TRIO: variants seen among roughly 807,000 people sequenced by gnomAD.
TRIO encodes the protein trio Rho guanine nucleotide exchange factor.
Under a neutral mutation model 351.9 loss-of-function variants are expected in TRIO, and 58 were observed. The ratio of observed to expected loss-of-function variants is 0.16; its 90% confidence interval spans 0.13 to 0.21. The LOEUF is 0.21. TRIO is among the 10% of genes least tolerant of loss of function. TRIO has a pLI of 1.00. For missense variants in TRIO, 3,201 were observed against 4,027.8 expected, an observed-to-expected ratio of 0.79 and a Z score of 5.56; for synonymous variants, 1,758 against 1,595.7, an observed-to-expected ratio of 1.10 and a Z score of -2.42.
chr5:14,314,504 A>G (rs1267759585), intron 8 of TRIO, among the ~76,000 whole-genome samples: 1 of 152,152 alleles, frequency 6.6e-6, no homozygotes, highest in African/African-American at 2.4e-5. Context: ...GAAAGGGAAA[A>G]CAGCTCTTGT....
chr5:14,471,671 TATG>T lies in TRIO; in HGVS notation c.5912+208_5912+210del, dbSNP rs938258579. Among the ~76,000 whole-genome samples the T allele has an allele frequency of 2.6e-5, 4 of 152,218 alleles. 1 individual carries two copies. The highest frequency in any genetic ancestry group is 2.6e-4 in the Admixed American group (4 of 15,288). The stretch of plus-strand genomic sequence containing the variant: ...GCTGCAGTTTCTTGTTTTATTTGTA[TATG>T]ATACTTCATAAGTAAGAATGATGCA... On this transcript the variant is annotated intron_variant, in intron 38 of 56. Transcript: ENST00000344204.
rs529339518 is a variant in TRIO, at chr5:14,212,657, C to CT, written c.158-58167dup. Among the ~76,000 whole-genome samples the CT allele has an allele frequency of 6.0e-3, 907 of 152,260 alleles. 17 individuals are homozygous for CT. The highest frequency in any genetic ancestry group is 0.021 in the African/African-American group (861 of 41,556). ...GCATTATTGAAGAAAAAGGAAAGAG[C>CT]TATGTCCCCCCAATCCCCAAAATGG... On this transcript the variant is annotated intron_variant, in intron 1 of 56. Transcript: ENST00000344204.
At chr5:14,340,409 A>AG (rs1053547286) in intron 11 of TRIO, among the ~76,000 whole-genome samples, 3 of 151,794 alleles carry the variant, frequency 2.0e-5, no homozygotes, top group Admixed American at 1.3e-4. Context: ...AAAAAAAAAA[A>AG]AAAAAGAAAA....
At chr5:14,365,190 T>C (rs1369066406) in intron 15 of TRIO, among the ~76,000 whole-genome samples, 1 of 152,206 alleles carries the variant, frequency 6.6e-6, no homozygotes, top group Non-Finnish European at 1.5e-5. Flanking sequence ...TTTCTCAGAC[T>C]CCAGATGCCT....
chr5:14,207,897 A>G (rs1343781314), intron 1 of TRIO, among the ~76,000 whole-genome samples: 1 of 152,240 alleles, frequency 6.6e-6, no homozygotes, highest in Non-Finnish European at 1.5e-5. Context: ...AAGAAGGGCA[A>G]ATAAACACAT....
At chr5:14,214,382 A>C (rs965766927) in intron 1 of TRIO, among the ~76,000 whole-genome samples, 1 of 152,188 alleles carries the variant, frequency 6.6e-6, no homozygotes, top group Non-Finnish European at 1.5e-5. Context: ...TGTTTGTCCA[A>C]GACTCACAGA....
chr5:14,327,011 C>T (rs1477578416), intron 9 of TRIO, among the ~76,000 whole-genome samples: 1 of 152,078 alleles, frequency 6.6e-6, no homozygotes, highest in Admixed American at 6.5e-5. Flanking sequence ...ATTGGAAATA[C>T]GATTTCACCT....
chr5:14,487,869 T>G lies in TRIO; in HGVS notation c.7241T>G (p.Val2414Gly). 1 of 1,537,856 alleles carries G rather than the reference T, an allele frequency of 6.5e-7. No individual in the cohort carries two copies. The highest frequency in any genetic ancestry group is 8.8e-7 in the Non-Finnish European group (1 of 1,142,008). The stretch of plus-strand genomic sequence containing the variant: ...GCGGAGCCGATCCCCAAGATGAAGG[T>G]GCTGGAGAGCCCCAGGAAAGGCGCC... The part of the protein sequence containing the change: ...REAEPIPKMK[V>G]LESPRKGAAN... The change falls in exon 48 of 57, where the codon GTG (valine) becomes GGG (glycine). Residue 2414 changes from valine to glycine, a missense_variant. Transcript: ENST00000344204.
At chr5:14,343,089 C>CA (rs34378604) in intron 11 of TRIO, among the ~76,000 whole-genome samples, 11,798 of 135,368 alleles carry the variant, frequency 0.087, 781 homozygotes, top group African/African-American at 0.2. Context: ...CAGAAAGTTG[C>CA]AAAAAAAAAA....
intron 53 of TRIO, among the ~76,000 whole-genome samples, chr5:14,502,374 T>G (rs971068671): frequency 6.6e-6 from 1 of 152,242 alleles, no homozygotes; most frequent in Non-Finnish European, 1.5e-5. Context: ...AAATCATTAG[T>G]GAACTATTTT....
In TRIO at chr5:14,317,894, AG is replaced by A. The variant is rs1337227439; in HGVS notation, c.1731+1157del. On this transcript the variant is annotated intron_variant, in intron 9 of 56. Transcript: ENST00000344204. ...GTAATCCCAGCACTTTAGGAGGCCA[AG>A]GGGGGTGGATCACCTGAGGTCAGGA... Among the ~76,000 whole-genome samples the A allele has an allele frequency of 2.6e-5, 4 of 152,144 alleles. No homozygotes were observed. In the East Asian group the frequency reaches 7.7e-4, roughly 29 times the overall value.
In TRIO at chr5:14,271,967, T is replaced by C. The variant is rs181813057; in HGVS notation, c.232+1068T>C. Among the ~76,000 whole-genome samples, 27 of 152,342 alleles carry C rather than the reference T, an allele frequency of 1.8e-4. No individual in the cohort carries two copies. The East Asian group carries it at 3.3e-3, about 18-fold the overall frequency. ...TTTGATTTTGTGGGAGTAAATCTAA[T>C]TCATTATGTATTTGGAAGGTTCACA... On this transcript the variant is annotated intron_variant, in intron 2 of 56. Transcript: ENST00000344204.
chr5:14,482,732 G>A lies in TRIO; in HGVS notation c.6616G>A (p.Gly2206Ser). 6.2e-7 allele frequency: 1 copy of A among 1,608,178 alleles called. No individual in the cohort carries two copies. Among genetic ancestry groups the A allele is most frequent in the African/African-American group, 1.3e-5 (1 of 74,838 alleles). ...CAGCGAACCACTTGATAAAAAGAAGGGCTTCTCCATGCCGGGATTCCTGTT... is the reference window on the plus strand; with the variant it reads ...CAGCGAACCACTTGATAAAAAGAAGAGCTTCTCCATGCCGGGATTCCTGTT... ...IFSEPLDKKK[G>S]FSMPGFLFKN... The change falls in exon 46 of 57, where the codon GGC becomes AGC. Residue 2206 changes from glycine (G) to serine (S), a missense_variant. Around this residue, in one of 19 missense-constraint regions of TRIO, gnomAD observed 1,089 missense variants for 954.9 expected, o/e 1.14. Transcript: ENST00000344204.
intron 7 of TRIO, among the ~76,000 whole-genome samples, chr5:14,298,781 ACTTT>A (rs1737597543): frequency 6.6e-6 from 1 of 152,212 alleles, no homozygotes; most frequent in African/African-American, 2.4e-5. Context: ...GGATTTTTCT[ACTTT>A]CTAACTTTTT....
At chr5:14,489,038 G>A (rs1385203764) in intron 48 of TRIO, 5 of 765,140 alleles carry the variant, frequency 6.5e-6, no homozygotes, top group African/African-American at 1.7e-5. Flanking sequence ...AGGGCAGATG[G>A]CCTGGCCCGT....
intron 1 of TRIO, among the ~76,000 whole-genome samples, chr5:14,245,466 G>A (rs1043345372): frequency 6.6e-6 from 1 of 152,176 alleles, no homozygotes; most frequent in Non-Finnish European, 1.5e-5. Flanking sequence ...ATGAAGAAAA[G>A]AAAGGCTTAT....
rs563463271 is a variant in TRIO at position 14,476,814 on chromosome 5, A to T, written c.6084-80A>T. On this transcript the variant is annotated intron_variant, in intron 40 of 56. Coordinates refer to ENST00000344204, the MANE Select transcript of TRIO (RefSeq NM_007118.4). Reference sequence around the variant, plus strand: ...CTCAAAAAAAAAAAAGAAAAAAAGAAAAAGAAAAAATGTAAACCTAAATCT... The same window carrying T: ...CTCAAAAAAAAAAAAGAAAAAAAGATAAAGAAAAAATGTAAACCTAAATCT... The T allele has an allele frequency of 9.3e-6, 12 of 1,291,364 alleles. No homozygotes were observed. In the African/African-American group the frequency reaches 1.4e-4, roughly 15 times the overall value. 80.0% of individuals were successfully genotyped at this position (1,291,364 alleles called of 1,614,324 possible). A position where few individuals can be genotyped will look rare whatever the true frequency, so the allele number is the denominator to read the frequency against.
In TRIO at chr5:14,487,802, A is replaced by G; in HGVS notation, c.7174A>G (p.Arg2392Gly). 1 of 1,410,570 alleles carries G rather than the reference A, an allele frequency of 7.1e-7. No homozygotes were observed. The highest frequency in any genetic ancestry group is 3.4e-5 in the Admixed American group (1 of 29,276). The allele number at this position is 1,410,570 out of a possible 1,614,324, so 87.4% of individuals were successfully genotyped here. A position where few individuals can be genotyped will look rare whatever the true frequency, so the allele number is the denominator to read the frequency against. ...CGAGGCCGGCCCCAGCGCGCCCAGC[A>G]GGCGGCCCCCCGGCGCGGACGCCGA... The part of the protein sequence containing the change: ...APEAGPSAPS[R>G]RPPGADAEGS... Residue 2392 changes from arginine (R) to glycine (G), a missense_variant, in exon 48 of 57, where the codon AGG becomes GGG. Transcript: ENST00000344204.
chr5:14,392,469 C>T (rs1367169175), intron 27 of TRIO, among the ~76,000 whole-genome samples: 1 of 152,170 alleles, frequency 6.6e-6, no homozygotes, highest in Non-Finnish European at 1.5e-5. Flanking sequence ...AATGCTTTTA[C>T]ACTGTTGGTG....
Sources: gnomAD v4.1 joint callset for allele counts (sites outside exome capture counted in the v4.1 genomes callset) on GRCh38, gnomAD v4.1.1 for gene constraint, gnomAD v4.1.1 regional missense constraint, MANE v1.5 for transcripts, NCBI Gene and HGNC (gene_info 2026-07-23, HGNC 2026-07-21) for gene names.